Variants in MTTP observed in about 807,000 individuals in gnomAD.
MTTP encodes the protein microsomal triglyceride transfer protein large subunit.
A neutral mutation model predicts 90.6 loss-of-function variants in MTTP; 49 were observed. The observed-to-expected ratio is 0.54, with a 90% CI of 0.43 to 0.69. The LOEUF is 0.69. MTTP is among the 30% of genes least tolerant of loss of function. MTTP has a pLI of 0.00. For missense variants in MTTP, 945 were observed against 1,067.5 expected, an observed-to-expected ratio of 0.89 and a Z score of 1.60; for synonymous variants, 347 against 384.2, an observed-to-expected ratio of 0.90 and a Z score of 1.13.
intron 17 of MTTP, 98 bp downstream of exon 17, chr4:99,621,329 C>T: frequency 2.1e-6 from 3 of 1,397,706 alleles, no homozygotes; most frequent in South Asian, 1.2e-5. Context: ...TAAAACAAAA[C>T]AGTAGAAACC....
chr4:99,600,715 ACTC>A lies in MTTP; in HGVS notation c.1221_1223del (p.Leu408del), dbSNP rs1560621108. On this transcript the variant is annotated inframe_deletion, in exon 9 of 18. Transcript: ENST00000265517. Reference sequence around the variant, plus strand: ...GATTTGCTTCTCATCCCAATGAAGAACTCCTGAGAGCCCTCATTGTAAGTCAAA... The same window carrying A: ...GATTTGCTTCTCATCCCAATGAAGAACTGAGAGCCCTCATTGTAAGTCAAA... 6.2e-7 allele frequency: 1 copy of A among 1,613,720 alleles called. No individual in the cohort carries two copies. The highest frequency in any genetic ancestry group is 1.3e-5 in the African/African-American group (1 of 75,014).
chr4:99,611,237 G>C lies in MTTP; in HGVS notation c.1864G>C (p.Glu622Gln). 6.2e-7 allele frequency: 1 copy of C among 1,613,270 alleles called. No homozygotes were observed. Among genetic ancestry groups the C allele is most frequent in the Non-Finnish European group, 8.5e-7 (1 of 1,179,310 alleles). ...GSSSAYTGYIERSPRSASTYS... is the reference protein window; with the variant it reads ...GSSSAYTGYIQRSPRSASTYS... ...TTCTTCTGCCTACACTGGCTACATA[G>C]AACGTATGTACACCAAAAAGAGGTT... The change falls in exon 13 of 18, where the codon GAA becomes CAA. Residue 622 changes from glutamate (E) to glutamine (Q), a missense_variant. By Grantham distance (29) the Glu-to-Gln change is conservative (BLOSUM62 2). Coordinates refer to ENST00000265517, the MANE Select transcript of MTTP (RefSeq NM_001386140.1).
chr4:99,621,254 T>A, intron 17 of MTTP, 23 bp downstream of exon 17: 1 of 1,613,376 alleles, frequency 6.2e-7, no homozygotes, highest in Non-Finnish European at 8.5e-7. Flanking sequence ...GTTCAGGTCA[T>A]GTTCCAGGAC....
intron 15 of MTTP, among the ~76,000 whole-genome samples, chr4:99,616,220 C>T (rs577372703): frequency 6.6e-6 from 1 of 152,092 alleles, no homozygotes; most frequent in South Asian, 2.1e-4. Flanking sequence ...ATGGTGAAAC[C>T]CCAGATCTAC....
At chr4:99,621,516 T>C (rs755051214) in intron 17 of MTTP, among the ~76,000 whole-genome samples, 6 of 152,188 alleles carry the variant, frequency 3.9e-5, no homozygotes, top group African/African-American at 7.2e-5. Context: ...TGATTTACCA[T>C]AGGAGTTGCC....
chr4:99,576,205 G>C (rs1291929612), intron 1 of MTTP, among the ~76,000 whole-genome samples: 1 of 152,142 alleles, frequency 6.6e-6, no homozygotes, highest in African/African-American at 2.4e-5. Context: ...GTGTTATATA[G>C]AGGACTTACT....
intron 10 of MTTP, among the ~76,000 whole-genome samples, chr4:99,604,667 A>G (rs1183683445): frequency 6.6e-6 from 1 of 152,106 alleles, no homozygotes; most frequent in Non-Finnish European, 1.5e-5. Flanking sequence ...ACAATGAAAA[A>G]AATACATGTA....
chr4:99,617,260 CCTT>C (rs1176597126), intron 15 of MTTP, among the ~76,000 whole-genome samples: 2 of 152,150 alleles, frequency 1.3e-5, no homozygotes, highest in Non-Finnish European at 2.9e-5. Flanking sequence ...CTTTAAGTAT[CCTT>C]AGAGCTATCT....
Position 99,597,233 on chromosome 4 carries a change from C to T in MTTP, c.1067+9C>T. 1.2e-6 allele frequency: 2 copies of T among 1,612,160 alleles called. No individual in the cohort carries two copies. The highest frequency in any genetic ancestry group is 2.2e-5 in the East Asian group (1 of 44,852). On this transcript the variant is annotated intron_variant, in intron 8 of 17. Coordinates refer to ENST00000265517, the MANE Select transcript of MTTP (RefSeq NM_001386140.1). ...GAAAATAAGGAAGTATTGTAAGTTC[C>T]CCAACCTTTGTGTGGGGTTGTCTGT...
intron 12 of MTTP, 89 bp from the exon 13 acceptor site, chr4:99,611,054 T>G (rs1335196532): frequency 3.4e-5 from 49 of 1,450,078 alleles, no homozygotes; most frequent in Non-Finnish European, 4.2e-5. Context: ...TTCCTCTTTT[T>G]TCCACTGAGG....
chr4:99,588,353 T>C (rs1457117794), intron 3 of MTTP, among the ~76,000 whole-genome samples: 1 of 152,154 alleles, frequency 6.6e-6, no homozygotes, highest in African/African-American at 2.4e-5. Flanking sequence ...AGGGAACATG[T>C]ATCTATCCTC....
At chr4:99,570,178 T>C (rs559346566), upstream of MTTP, among the ~76,000 whole-genome samples, 769 of 152,124 alleles carry the variant, frequency 5.1e-3, 8 homozygotes, top group African/African-American at 0.017. Context: ...TTTTTAAAGA[T>C]GTCATTTGGA....
At chr4:99,571,838 T>C (rs1284852779), upstream of MTTP, among the ~76,000 whole-genome samples, 2 of 151,654 alleles carry the variant, frequency 1.3e-5, no homozygotes, top group African/African-American at 4.8e-5. Flanking sequence ...TGAAAATACT[T>C]TTAGAGTTTA....
At chr4:99,568,204 G>A (rs563509899) in intron 1 of MTTP, among the ~76,000 whole-genome samples, 118 of 152,026 alleles carry the variant, frequency 7.8e-4, no homozygotes, top group South Asian at 1.7e-3. Flanking sequence ...AAAATAAAAG[G>A]AAGGAAGAAA....
upstream of MTTP, among the ~76,000 whole-genome samples, chr4:99,574,532 T>G (rs917762085): frequency 2.0e-5 from 3 of 152,232 alleles, no homozygotes; most frequent in Admixed American, 2.0e-4. Flanking sequence ...ATGATGATTA[T>G]GTATTAAGCA....
chr4:99,586,788 A>G (rs1725269572), intron 3 of MTTP, among the ~76,000 whole-genome samples: 1 of 152,236 alleles, frequency 6.6e-6, no homozygotes, highest in Non-Finnish European at 1.5e-5. Flanking sequence ...CTAAGGAAAA[A>G]ACAATATGAA....
rs1205498214 is a variant in MTTP at position 99,583,482 on chromosome 4, CA to C, written c.361del (p.Arg121AspfsTer7). The C allele has an allele frequency of 1.2e-6, 2 of 1,613,512 alleles. No homozygotes were observed. The highest frequency in any genetic ancestry group is 1.7e-6 in the Non-Finnish European group (2 of 1,179,818). ...IMGKENLEAL[Q>X]RPTLLHLIHG... ...GGGAAAGGAAAACTTGGAAGCTCTG[CA>C]AAGACCTACGCTCCTTCATCTAATC... On this transcript the variant is annotated frameshift_variant, in exon 3 of 18. Coordinates refer to ENST00000265517, the MANE Select transcript of MTTP (RefSeq NM_001386140.1). LOFTEE classifies it high-confidence loss of function.
chr4:99,575,393 C>T (rs1724932127), intron 1 of MTTP, among the ~76,000 whole-genome samples: 2 of 151,892 alleles, frequency 1.3e-5, no homozygotes, highest in African/African-American at 2.4e-5. Context: ...AGCAATGTGA[C>T]CTCAAGAAGA....
intron 1 of MTTP, among the ~76,000 whole-genome samples, 194 bp downstream of exon 1, chr4:99,575,164 A>G (rs1192684125): frequency 6.6e-6 from 1 of 152,190 alleles, no homozygotes; most frequent in South Asian, 2.1e-4. Context: ...AAATCCCTAC[A>G]AACATTAAGA....
Sources: allele counts gnomAD v4.1 joint callset (sites outside exome capture counted in the v4.1 genomes callset), GRCh38; gene constraint gnomAD v4.1.1; transcripts MANE v1.5; gene names NCBI Gene and HGNC (gene_info 2026-07-23, HGNC 2026-07-21).